EPHB1: variants seen among roughly 807,000 people sequenced by gnomAD.
The protein encoded by EPHB1 is EPH receptor B1.
In EPHB1, 30 loss-of-function variants were observed where a neutral mutation model predicts 94.4. That is an observed-to-expected ratio of 0.32 (90% CI 0.24 to 0.43). The LOEUF (loss-of-function observed/expected upper bound fraction) is 0.43, where lower values mean the gene tolerates loss of function less well. Ranked by LOEUF, EPHB1 falls within the 20% of genes least tolerant of loss-of-function variation. The probability of loss-of-function intolerance (pLI) is 1.00; values close to 1 mark genes in which losing one functional copy is unlikely to be tolerated. For missense variants in EPHB1, 1,055 were observed against 1,308.3 expected (o/e 0.81, Z 2.99); for synonymous variants, 522 against 489.1 (o/e 1.07, Z -0.89).
intron 2 of EPHB1, among the ~76,000 whole-genome samples, chr3:134,943,883 G>A (rs1560308396): frequency 6.6e-6 from 1 of 152,192 alleles, no homozygotes; most frequent in Non-Finnish European, 1.5e-5. Context: ...GACCGTGCGA[G>A]CATTGTTGGG....
intron 3 of EPHB1, among the ~76,000 whole-genome samples, chr3:135,098,124 C>T (rs1180258780): frequency 6.6e-6 from 1 of 152,186 alleles, no homozygotes; most frequent in Non-Finnish European, 1.5e-5. Context: ...AAACACTTCA[C>T]CCTGACCTGC....
At chr3:135,093,082 G>A (rs1226633334) in intron 3 of EPHB1, among the ~76,000 whole-genome samples, 1 of 152,232 alleles carries the variant, frequency 6.6e-6, no homozygotes, top group Non-Finnish European at 1.5e-5. Context: ...TAAAGGCAGT[G>A]ACTAGCTGAT....
chr3:134,837,362 C>T (rs187100997), intron 1 of EPHB1, among the ~76,000 whole-genome samples: 64 of 152,292 alleles, frequency 4.2e-4, no homozygotes, highest in Admixed American at 1.4e-3. Flanking sequence ...TAATTTTAAA[C>T]ATGGATGTCT....
intron 1 of EPHB1, among the ~76,000 whole-genome samples, chr3:134,855,678 C>G (rs769475492): frequency 6.6e-6 from 1 of 151,910 alleles, no homozygotes; most frequent in Non-Finnish European, 1.5e-5. Flanking sequence ...TTTTCAGTAT[C>G]TGTAGGCTGT....
At chr3:135,208,008 A>G (rs1462977715) in intron 12 of EPHB1, among the ~76,000 whole-genome samples, 6 of 152,192 alleles carry the variant, frequency 3.9e-5, no homozygotes, top group Non-Finnish European at 8.8e-5. Flanking sequence ...GATTATTAGG[A>G]CTTAAACATA....
intron 2 of EPHB1, among the ~76,000 whole-genome samples, chr3:134,939,927 G>A (rs2039081158): frequency 6.6e-6 from 1 of 152,212 alleles, no homozygotes; most frequent in Non-Finnish European, 1.5e-5. Flanking sequence ...ACAGACTGCT[G>A]AATGGGACCA....
chr3:134,921,213 C>T (rs2038679252), intron 1 of EPHB1, among the ~76,000 whole-genome samples: 1 of 152,176 alleles, frequency 6.6e-6, no homozygotes, highest in Non-Finnish European at 1.5e-5. Flanking sequence ...TCATTCCCAT[C>T]AGCTGGTTCT....
chr3:135,148,646 T>C (rs373966158), intron 5 of EPHB1, among the ~76,000 whole-genome samples: 4 of 152,328 alleles, frequency 2.6e-5, no homozygotes, highest in African/African-American at 9.6e-5. Flanking sequence ...TCCCTGTAAT[T>C]TATTCACATC....
chr3:134,888,786 A>G (rs73217020), intron 1 of EPHB1, among the ~76,000 whole-genome samples: 9,561 of 152,082 alleles, frequency 0.063, 336 homozygotes, highest in South Asian at 0.15. Context: ...AGTGTAATTT[A>G]CATATCCATT....
chr3:135,014,274 C>T (rs1435951442), intron 3 of EPHB1, among the ~76,000 whole-genome samples: 2 of 152,178 alleles, frequency 1.3e-5, no homozygotes, highest in African/African-American at 2.4e-5. Flanking sequence ...GGGACAGAAG[C>T]GCCATCCAGA....
chr3:134,941,884 A>G (rs2039126557), intron 2 of EPHB1, among the ~76,000 whole-genome samples: 1 of 152,116 alleles, frequency 6.6e-6, no homozygotes. Flanking sequence ...CTGACTTCCA[A>G]TAAGCAAGCC....
At chr3:135,066,627 C>T (rs1212375636) in intron 3 of EPHB1, among the ~76,000 whole-genome samples, 2 of 152,152 alleles carry the variant, frequency 1.3e-5, no homozygotes, top group Non-Finnish European at 2.9e-5. Flanking sequence ...GATTTCCTTG[C>T]ACTGGGCCTC....
intron 15 of EPHB1, 24 bp downstream of exon 15, chr3:135,249,515 C>T (rs1236386489): frequency 6.2e-7 from 1 of 1,604,806 alleles, no homozygotes; most frequent in African/African-American, 1.3e-5. Context: ...ATCTCTCTGT[C>T]CAGACCACAC....
chr3:134,944,677 C>G (rs985442135), intron 2 of EPHB1, among the ~76,000 whole-genome samples: 4 of 152,164 alleles, frequency 2.6e-5, no homozygotes, highest in African/African-American at 9.6e-5. Flanking sequence ...GGCCAGTGGT[C>G]CACCTGTAGG....
intron 3 of EPHB1, among the ~76,000 whole-genome samples, chr3:135,100,570 G>A (rs142364827): frequency 1.1e-4 from 17 of 152,292 alleles, no homozygotes; most frequent in Admixed American, 2.6e-4. Context: ...GATGAGAAGC[G>A]CTTTCCATTA....
At chr3:134,860,615 C>A (rs1015803863) in intron 1 of EPHB1, among the ~76,000 whole-genome samples, 23 of 152,056 alleles carry the variant, frequency 1.5e-4, no homozygotes, top group African/African-American at 5.6e-4. Flanking sequence ...GAGATCAAGA[C>A]CATCCTGGCT....
intron 15 of EPHB1, among the ~76,000 whole-genome samples, chr3:135,251,616 A>G (rs1045840591): frequency 5.9e-5 from 9 of 152,246 alleles, no homozygotes; most frequent in Non-Finnish European, 1.3e-4. Context: ...TTAATAAAAT[A>G]GATTGTGGGA....
chr3:134,959,143 G>C (rs553025991), intron 3 of EPHB1, among the ~76,000 whole-genome samples: 2 of 152,142 alleles, frequency 1.3e-5, no homozygotes, highest in Non-Finnish European at 2.9e-5. Context: ...ACTGAGGTGG[G>C]GTGGGTAGTG....
intron 10 of EPHB1, among the ~76,000 whole-genome samples, chr3:135,180,552 AC>A (rs1942127412): frequency 6.6e-6 from 1 of 152,164 alleles, no homozygotes; most frequent in Non-Finnish European, 1.5e-5. Flanking sequence ...ACAACACAAG[AC>A]GAATTTCACT....
Sources: allele counts gnomAD v4.1 joint callset (sites outside exome capture counted in the v4.1 genomes callset), GRCh38; gene constraint gnomAD v4.1.1; transcripts MANE v1.5; gene names NCBI Gene and HGNC (gene_info 2026-07-23, HGNC 2026-07-21).